The following S100Z variants were observed in gnomAD, a reference collection of about 807,000 sequenced individuals.
S100Z encodes the protein protein S100-Z.
S100Z carries 11 observed loss-of-function variants against 8.5 expected under a neutral mutation model. The ratio of observed to expected loss-of-function variants is 1.30; its 90% CI spans 0.82 to 2.15. The LOEUF (loss-of-function observed/expected upper bound fraction) is 2.15, where lower values mean the gene tolerates loss of function less well. Among genes scored for constraint, S100Z ranks in the 30% most tolerant of loss-of-function variants. S100Z has a pLI of 0.00. For missense variants in S100Z, 126 were observed against 117.9 expected, an observed-to-expected ratio of 1.07 and a Z score of -0.32; for synonymous variants, 34 against 43.8, an observed-to-expected ratio of 0.78 and a Z score of 0.89.
chr5:76,886,056 G>GC (rs1292169555), intron 4 of S100Z, among the ~76,000 whole-genome samples: 1 of 151,452 alleles, frequency 6.6e-6, no homozygotes, highest in Non-Finnish European at 1.5e-5. Flanking sequence ...GGGAGTGCTT[G>GC]CCCCCCAGGA....
the S100Z span, among the ~76,000 whole-genome samples, chr5:76,940,567 C>T: frequency 6.6e-6 from 1 of 152,070 alleles, no homozygotes; most frequent in African/African-American, 2.4e-5. Flanking sequence ...CATCTGCCAC[C>T]ACACCTAGCT....
chr5:76,925,089 G>C (rs1030151283), downstream of S100Z, among the ~76,000 whole-genome samples: 1 of 152,078 alleles, frequency 6.6e-6, no homozygotes, highest in Non-Finnish European at 1.5e-5. Context: ...GAATGCTTCA[G>C]TTTCTTGCCA....
intron 1 of S100Z, among the ~76,000 whole-genome samples, chr5:76,863,194 T>C (rs1309094783): frequency 6.6e-6 from 1 of 152,062 alleles, no homozygotes; most frequent in Non-Finnish European, 1.5e-5. Flanking sequence ...AGGAAAAGAG[T>C]ATAGTCAAGG....
the S100Z span, among the ~76,000 whole-genome samples, chr5:76,950,486 A>G: frequency 5.3e-5 from 8 of 152,340 alleles, no homozygotes; most frequent in South Asian, 1.7e-3. Flanking sequence ...AACATAGGTG[A>G]CAATTTGCTC....
the S100Z span, among the ~76,000 whole-genome samples, chr5:76,930,554 T>G: frequency 1.3e-4 from 20 of 152,298 alleles, no homozygotes; most frequent in East Asian, 3.9e-3. Flanking sequence ...AGTAGGTGAT[T>G]GGACCAAACC....
rs1744470701 is a variant in S100Z at position 76,907,001 on chromosome 5, TATATATA to T, written c.*3-13715_*3-13709del. Among the ~76,000 whole-genome samples, 3 of 16,274 alleles carry T rather than the reference TATATATA, an allele frequency of 1.8e-4. No individual in the cohort carries two copies. The South Asian group carries it at 2.1e-3, about 11-fold the overall frequency. The allele number at this position is 16,274 out of a possible 152,430, so 10.7% of individuals were successfully genotyped here. On this transcript the variant is annotated intron_variant, in intron 4 of 4. Coordinates refer to ENST00000317593, the MANE Select transcript of S100Z (RefSeq NM_130772.4). ...GTATATATATATATATATATATATA[TATATATA>T]TATATATATATATATACATATATAT...
chr5:76,886,769 CA>C (rs1205149899), intron 4 of S100Z, among the ~76,000 whole-genome samples: 2 of 152,036 alleles, frequency 1.3e-5, no homozygotes, highest in Admixed American at 6.6e-5. Flanking sequence ...TTTTTGCAGG[CA>C]GGGGGTGGAT....
chr5:76,906,617 TTTG>T lies in S100Z; in HGVS notation c.*3-14088_*3-14086del, dbSNP rs978851651. 3.5e-4 allele frequency among the ~76,000 whole-genome samples: 52 copies of T among 146,620 alleles called. No homozygotes were observed. In the Middle Eastern group the frequency reaches 0.01, roughly 29 times the overall value. On this transcript the variant is annotated intron_variant, in intron 4 of 4. Transcript: ENST00000317593. ...TGCAAATGACACAATTTCCGTGTTT[TTTG>T]TTGTTGTTGTTTTGTTTTTTGTTTT...
chr5:76,901,265 A>G (rs1029350092), intron 4 of S100Z, among the ~76,000 whole-genome samples: 1 of 152,208 alleles, frequency 6.6e-6, no homozygotes, highest in Admixed American at 6.5e-5. Context: ...CTGGGGCTCT[A>G]CAATCAGCAG....
At chr5:76,932,356 C>CT in the S100Z span, among the ~76,000 whole-genome samples, 1 of 152,066 alleles carries the variant, frequency 6.6e-6, no homozygotes, top group Non-Finnish European at 1.5e-5. Context: ...GAAGTGAAGA[C>CT]TTTTTTTCTT....
Position 76,870,195 on chromosome 5 carries a change from A to G in S100Z, c.-146A>G, listed in dbSNP as rs1261960717. 1 of 152,154 alleles carries G rather than the reference A, an allele frequency of 6.6e-6. No homozygotes were observed. Among genetic ancestry groups the G allele is most frequent in the African/African-American group, 2.4e-5 (1 of 41,438 alleles). 9.4% of individuals were successfully genotyped at this position (152,154 alleles called of 1,614,324 possible). On this transcript the variant is annotated 5_prime_UTR_variant, in exon 2 of 5. Transcript: ENST00000317593. ...ATTTCACAAGCCCCTGACTCTGTGT[A>G]GACACCCAGCTCTCCAGAAAAATGC...
intron 4 of S100Z, among the ~76,000 whole-genome samples, chr5:76,918,768 C>T (rs1271644494): frequency 6.6e-6 from 1 of 152,194 alleles, no homozygotes; most frequent in East Asian, 1.9e-4. Context: ...TTGACAAATG[C>T]ATAGTGACAC....
At chr5:76,888,485 C>T (rs1242072970) in intron 4 of S100Z, among the ~76,000 whole-genome samples, 1 of 142,388 alleles carries the variant, frequency 7.0e-6, no homozygotes, top group African/African-American at 2.6e-5. Flanking sequence ...ACGCCATTCT[C>T]CTGTCTCAGC....
chr5:76,936,399 C>G, the S100Z span, among the ~76,000 whole-genome samples: 1 of 151,904 alleles, frequency 6.6e-6, no homozygotes, highest in Non-Finnish European at 1.5e-5. Context: ...GGATAAATAT[C>G]AAAACGTTAA....
chr5:76,911,040 G>T lies in S100Z; in HGVS notation c.*3-9677G>T, dbSNP rs376323864. Among the ~76,000 whole-genome samples, 10 of 152,234 alleles carry T rather than the reference G, an allele frequency of 6.6e-5. No homozygotes were observed. The East Asian group carries it at 9.7e-4, about 15-fold the overall frequency. ...ATGAGGAACAAGTTACCCATTTGTTGTCCTCTACTTGAGGAGGGAATCAAC... is the reference window on the plus strand; with the variant it reads ...ATGAGGAACAAGTTACCCATTTGTTTTCCTCTACTTGAGGAGGGAATCAAC... On this transcript the variant is annotated intron_variant, in intron 4 of 4. Transcript: ENST00000317593.
At chr5:76,872,894 G>T (rs764421477) in intron 2 of S100Z, among the ~76,000 whole-genome samples, 1 of 152,064 alleles carries the variant, frequency 6.6e-6, no homozygotes, top group Non-Finnish European at 1.5e-5. Context: ...AATTGTCTGA[G>T]CCCAGGAGGT....
rs79012110 is a variant in S100Z at position 76,921,586 on chromosome 5, G to A, written c.*872G>A. ...ATGACACTGGATATTCAAAAACCAC[G>A]ATGTCCTTTTACTTGAAGATTTTAA... On this transcript the variant is annotated 3_prime_UTR_variant, in exon 5 of 5. Transcript: ENST00000317593. The A allele has an allele frequency of 3.3e-5, 5 of 152,118 alleles. No individual in the cohort carries two copies. The highest frequency in any genetic ancestry group is 2.1e-4 in the South Asian group (1 of 4,828). The allele number at this position is 152,118 out of a possible 1,614,324, so 9.4% of individuals were successfully genotyped here.
At chr5:76,882,209 T>G (rs1743424732) in intron 4 of S100Z, among the ~76,000 whole-genome samples, 1 of 152,066 alleles carries the variant, frequency 6.6e-6, no homozygotes, top group Admixed American at 6.6e-5. Flanking sequence ...TGAGCACAGT[T>G]TGTGATTTTG....
intron 4 of S100Z, among the ~76,000 whole-genome samples, chr5:76,915,199 G>A (rs959625693): frequency 4.6e-5 from 7 of 151,712 alleles, no homozygotes; most frequent in South Asian, 2.1e-4. Flanking sequence ...CCAGCTACTC[G>A]GGAGGCTGAG....
Sources: allele counts gnomAD v4.1 joint callset (sites outside exome capture counted in the v4.1 genomes callset), GRCh38; gene constraint gnomAD v4.1.1; transcripts MANE v1.5; gene names NCBI Gene and HGNC (gene_info 2026-07-23, HGNC 2026-07-21).